The following JARID2 variants were observed in gnomAD, a reference collection of about 807,000 sequenced individuals.
JARID2 encodes the protein jumonji and AT-rich interaction domain containing 2.
Under a neutral mutation model 125.6 loss-of-function variants are expected in JARID2, and 21 were observed. The observed-to-expected ratio is 0.17, with a 90% confidence interval of 0.12 to 0.24. The LOEUF (loss-of-function observed/expected upper bound fraction) is 0.24, where lower values mean the gene tolerates loss of function less well. JARID2 is among the 10% of genes least tolerant of loss of function. The probability of loss-of-function intolerance (pLI) is 1.00; values close to 1 mark genes in which losing one functional copy is unlikely to be tolerated. For missense variants in JARID2, 1,303 were observed against 1,639.6 expected (o/e 0.79, Z 3.55); for synonymous variants, 736 against 661.6 (o/e 1.11, Z -1.73).
intron 1 of JARID2, among the ~76,000 whole-genome samples, chr6:15,336,111 GAATGAATA>G (rs1179671622): frequency 3.5e-4 from 50 of 142,124 alleles, no homozygotes; most frequent in East Asian, 5.0e-4. Flanking sequence ...ATGAATGAAT[GAATGAATA>G]AATAAATAAA....
At chr6:15,374,974 G>A (rs569053855) in intron 2 of JARID2, among the ~76,000 whole-genome samples, 2 of 152,208 alleles carry the variant, frequency 1.3e-5, no homozygotes, top group South Asian at 2.1e-4. Flanking sequence ...AATTGACCAT[G>A]TTTTTGTTTA....
intron 1 of JARID2, among the ~76,000 whole-genome samples, chr6:15,361,376 T>A (rs924779781): frequency 4.6e-5 from 7 of 152,220 alleles, no homozygotes; most frequent in Non-Finnish European, 1.0e-4. Context: ...AAGTCTCCAG[T>A]GGTTTCCCAT....
At chr6:15,338,555 C>T (rs1762958979) in intron 1 of JARID2, among the ~76,000 whole-genome samples, 1 of 152,202 alleles carries the variant, frequency 6.6e-6, no homozygotes. Flanking sequence ...CAGACCTTTG[C>T]CGACAATATA....
rs776009522 is a variant in JARID2, at chr6:15,496,826, A to G, written c.1601A>G (p.His534Arg). 6 of 1,602,750 alleles carry G rather than the reference A, an allele frequency of 3.7e-6. No homozygotes were observed. The highest frequency in any genetic ancestry group is 2.2e-5 in the South Asian group (2 of 89,444). The change falls in exon 7 of 18, where the codon CAC becomes CGC. Residue 534 changes from histidine (H) to arginine (R), a missense_variant. Physicochemically the swap from His to Arg is conservative, Grantham distance 29. Transcript: ENST00000341776. ...TCTACCTCGCAACCGGAGTCCGTGCACAAGCCGCAGGACTCGGGCAAGGCC... is the reference window on the plus strand; with the variant it reads ...TCTACCTCGCAACCGGAGTCCGTGCGCAAGCCGCAGGACTCGGGCAAGGCC... ...NRSTSQPESV[H>R]KPQDSGKAEK...
intron 1 of JARID2, among the ~76,000 whole-genome samples, chr6:15,360,525 C>T (rs185961591): frequency 1.1e-3 from 173 of 152,226 alleles, no homozygotes; most frequent in African/African-American, 3.9e-3. Context: ...CTCAGTTGCC[C>T]AAACTGGAGT....
At chr6:15,417,374 A>T (rs1056024823) in intron 3 of JARID2, among the ~76,000 whole-genome samples, 6 of 152,184 alleles carry the variant, frequency 3.9e-5, no homozygotes, top group African/African-American at 1.4e-4. Context: ...TCTCATCTGA[A>T]AGATGTGAAT....
At chr6:15,402,901 G>T (rs1765493348) in intron 2 of JARID2, among the ~76,000 whole-genome samples, 1 of 152,184 alleles carries the variant, frequency 6.6e-6, no homozygotes, top group South Asian at 2.1e-4. Flanking sequence ...GAAATGAAGT[G>T]TGGACCCAGA....
intron 2 of JARID2, among the ~76,000 whole-genome samples, chr6:15,394,531 C>G (rs555596244): frequency 6.6e-6 from 1 of 152,050 alleles, no homozygotes; most frequent in Non-Finnish European, 1.5e-5. Context: ...CCCGGAAGGT[C>G]GACGCTGTAG....
intron 1 of JARID2, among the ~76,000 whole-genome samples, chr6:15,286,961 C>T (rs1044490755): frequency 7.0e-6 from 1 of 142,868 alleles, no homozygotes; most frequent in Non-Finnish European, 1.5e-5. Flanking sequence ...ATAATAAATA[C>T]AAAATTAGCT....
At chr6:15,363,694 T>C (rs879556998) in intron 1 of JARID2, among the ~76,000 whole-genome samples, 5 of 152,180 alleles carry the variant, frequency 3.3e-5, no homozygotes, top group Non-Finnish European at 5.9e-5. Context: ...AGTATGCTAG[T>C]TGAAAAATGT....
At position 15,316,632 on chromosome 6, in the gene JARID2, T is replaced by C. The variant is rs181185978; in HGVS notation, c.46-57485T>C. On this transcript the variant is annotated intron_variant, in intron 1 of 17. Transcript: ENST00000341776. ...TCACTGCAACCTCTGCCTCCCAGAT[T>C]GCTGGGATTACAGGCACCCACCACC... Among the ~76,000 whole-genome samples the C allele has an allele frequency of 5.3e-3, 810 of 152,240 alleles. 2 individuals are homozygous for C. Among genetic ancestry groups the C allele is most frequent in the Non-Finnish European group, 7.1e-3 (485 of 68,012 alleles).
At chr6:15,519,862 G>A (rs756356869) in intron 17 of JARID2, among the ~76,000 whole-genome samples, 2 of 152,074 alleles carry the variant, frequency 1.3e-5, no homozygotes, top group Non-Finnish European at 2.9e-5. Context: ...AGGATGAAAC[G>A]GCCATGCCTG....
intron 1 of JARID2, among the ~76,000 whole-genome samples, chr6:15,268,065 T>G (rs1760156930): frequency 6.6e-6 from 1 of 152,152 alleles, no homozygotes; most frequent in South Asian, 2.1e-4. Context: ...CATGCCTGCT[T>G]CCTAGAAATT....
chr6:15,295,141 AG>A (rs1761364689), intron 1 of JARID2, among the ~76,000 whole-genome samples: 1 of 85,852 alleles, frequency 1.2e-5, no homozygotes, highest in Admixed American at 1.3e-4. Context: ...TTTTTTTTTG[AG>A]ACGGAGTCTT....
chr6:15,390,029 T>A (rs908119560), intron 2 of JARID2, among the ~76,000 whole-genome samples: 3 of 152,222 alleles, frequency 2.0e-5, no homozygotes, highest in Non-Finnish European at 4.4e-5. Context: ...AGGGCGGTGC[T>A]TGAGTGCTTT....
intron 2 of JARID2, among the ~76,000 whole-genome samples, chr6:15,401,485 ATTAG>A (rs1765432572): frequency 6.6e-6 from 1 of 152,202 alleles, no homozygotes; most frequent in African/African-American, 2.4e-5. Context: ...ATTAAAGTTA[ATTAG>A]TTCATCCTCA....
At chr6:15,295,781 A>G (rs1761390976) in intron 1 of JARID2, among the ~76,000 whole-genome samples, 2 of 152,158 alleles carry the variant, frequency 1.3e-5, no homozygotes, top group Admixed American at 6.5e-5. Context: ...CTTCTGCCTC[A>G]GCCTTCTAAG....
intron 1 of JARID2, among the ~76,000 whole-genome samples, chr6:15,301,385 T>C (rs1761618182): frequency 6.6e-6 from 1 of 152,236 alleles, no homozygotes; most frequent in Non-Finnish European, 1.5e-5. Context: ...AAATCAGTCA[T>C]CAGTGTGATA....
At chr6:15,311,904 T>C (rs1441672377) in intron 1 of JARID2, among the ~76,000 whole-genome samples, 1 of 152,216 alleles carries the variant, frequency 6.6e-6, no homozygotes, top group Non-Finnish European at 1.5e-5. Flanking sequence ...CCCTGGATTG[T>C]ATTGCCAGAG....
Sources: allele counts gnomAD v4.1 joint callset (sites outside exome capture counted in the v4.1 genomes callset), GRCh38; gene constraint gnomAD v4.1.1; transcripts MANE v1.5; gene names NCBI Gene and HGNC (gene_info 2026-07-23, HGNC 2026-07-21).